Variants in LLGL2 observed in about 807,000 individuals in gnomAD.
LLGL2 encodes the protein LLGL scribble cell polarity complex component 2.
A neutral mutation model predicts 123.2 loss-of-function variants in LLGL2; 81 were observed. The ratio of observed to expected loss-of-function variants is 0.66; its 90% CI spans 0.55 to 0.79. The LOEUF (loss-of-function observed/expected upper bound fraction) is 0.79. Ranked by LOEUF, LLGL2 falls within the 30% of genes least tolerant of loss-of-function variation. LLGL2 has a pLI of 0.00. For missense variants in LLGL2, 1,273 were observed against 1,414.6 expected (o/e 0.90, Z 1.61); for synonymous variants, 577 against 594.1 (o/e 0.97, Z 0.42).
intron 1 of LLGL2, among the ~76,000 whole-genome samples, chr17:75,542,327 C>G (rs533838330): frequency 6.6e-6 from 1 of 152,186 alleles, no homozygotes; most frequent in South Asian, 2.1e-4. Flanking sequence ...ACTGGGCTGC[C>G]CTGTCTCTAC....
Position 75,574,903 on chromosome 17 carries a change from A to T in LLGL2, c.*25A>T, listed in dbSNP as rs1243483982. 1 of 1,613,822 alleles carries T rather than the reference A, an allele frequency of 6.2e-7. No individual in the cohort carries two copies. The highest frequency in any genetic ancestry group is 1.3e-5 in the African/African-American group (1 of 74,918). ...AGTGGCTGAGCGTCCAGGCTGCGCGATGAGCACACACTACTACTGATGGCC... is the reference window on the plus strand; with the variant it reads ...AGTGGCTGAGCGTCCAGGCTGCGCGTTGAGCACACACTACTACTGATGGCC... On this transcript the variant is annotated 3_prime_UTR_variant, in exon 26 of 26. Coordinates refer to ENST00000392550, the MANE Select transcript of LLGL2 (RefSeq NM_001031803.2).
intron 22 of LLGL2, 23 bp from the exon 23 acceptor site, chr17:75,574,190 C>A: frequency 6.6e-7 from 1 of 1,523,058 alleles, no homozygotes; most frequent in Non-Finnish European, 8.8e-7. Context: ...GCGGGGCGCC[C>A]TGACCCGGCC....
intron 1 of LLGL2, among the ~76,000 whole-genome samples, chr17:75,539,072 G>T (rs973995468): frequency 6.6e-6 from 1 of 151,082 alleles, no homozygotes; most frequent in Non-Finnish European, 1.5e-5. Flanking sequence ...CTTTTTGTTT[G>T]TTTTGAGACA....
rs181782857 is a variant in LLGL2, at chr17:75,558,019, A to C, written c.174-136A>C. 121 of 842,178 alleles carry C rather than the reference A, an allele frequency of 1.4e-4. 1 individual carries two copies. Among genetic ancestry groups the C allele is most frequent in the African/African-American group, 1.4e-3 (85 of 60,368 alleles). The allele number at this position is 842,178 out of a possible 1,614,324, so 52.2% of individuals were successfully genotyped here. On this transcript the variant is annotated intron_variant, in intron 3 of 25. Transcript: ENST00000392550. This position sits in a 1 kb window ranked among gnomAD's most constrained non-coding sequence, Gnocchi z 4.0. ...CTCCTCCCCACCCTAGGCTCCATGC[A>C]TGGGTCCTGCTGCCTCGGGGGAGGG...
chr17:75,556,889 C>T (rs925017405), intron 3 of LLGL2, among the ~76,000 whole-genome samples: 3 of 152,070 alleles, frequency 2.0e-5, no homozygotes, highest in South Asian at 2.1e-4. Context: ...GTTATCAGGG[C>T]GTGGTGGCAC....
In LLGL2 at chr17:75,559,841, G is replaced by A. The variant is rs1225868425; in HGVS notation, c.530+431G>A. Among the ~76,000 whole-genome samples the A allele has an allele frequency of 1.3e-5, 2 of 152,200 alleles. No individual in the cohort carries two copies. The highest frequency in any genetic ancestry group is 4.8e-5 in the African/African-American group (2 of 41,446). On this transcript the variant is annotated intron_variant, in intron 6 of 25. Transcript: ENST00000392550. This position sits in a 1 kb window ranked among gnomAD's most constrained non-coding sequence, Gnocchi z 4.6. The stretch of plus-strand genomic sequence containing the variant: ...TGCTCGCAAGCTCCGTGGCTAAAAA[G>A]CCTTGACCGCCACAGGCATGTGGGT...
At position 75,570,232 on chromosome 17, in the gene LLGL2, G is replaced by A; in HGVS notation, c.1851G>A (p.Gln617=). 2 of 1,601,100 alleles carry A rather than the reference G, an allele frequency of 1.2e-6. No homozygotes were observed. Among genetic ancestry groups the A allele is most frequent in the Admixed American group, 1.7e-5 (1 of 58,064 alleles). Residue 617 remains glutamine (Q), a synonymous_variant, in exon 15 of 26, where the codon CAG becomes CAA. Coordinates refer to ENST00000392550, the MANE Select transcript of LLGL2 (RefSeq NM_001031803.2). ...TSHGFGLFDH[Q]QRRQVFVKCT... ...ATGGCTTTGGCCTCTTTGACCACCA[G>A]CAGCGGCGGCAGGTCTTTGTTAAGT...
chr17:75,558,505 T>C lies in LLGL2; in HGVS notation c.256-7T>C. 1 of 1,577,086 alleles carries C rather than the reference T, an allele frequency of 6.3e-7. No individual in the cohort carries two copies. The highest frequency in any genetic ancestry group is 1.2e-5 in the South Asian group (1 of 86,054). On this transcript the variant is annotated splice_polypyrimidine_tract_variant and splice_region_variant and intron_variant, in intron 4 of 25. Coordinates refer to ENST00000392550, the MANE Select transcript of LLGL2 (RefSeq NM_001031803.2). This position sits in a 1 kb window ranked among gnomAD's most constrained non-coding sequence, Gnocchi z 4.0. ...GACCACATGATCCCGTCGTGTGCCC[T>C]CGCCAGTGCCAGCTGGTCACCCTGC... is the stretch of plus-strand genomic sequence containing the variant.
chr17:75,569,217 C>T lies in LLGL2; in HGVS notation c.1477-4C>T, dbSNP rs759089001. 6.2e-7 allele frequency: 1 copy of T among 1,613,302 alleles called. No homozygotes were observed. Among genetic ancestry groups the T allele is most frequent in the South Asian group, 1.1e-5 (1 of 91,062 alleles). Reference sequence around the variant, plus strand: ...CTGCTCACAGGGCCCCTCCCCTTCTCCAGGTGGGCTCCTTTGACCCCTACA... The same window carrying T: ...CTGCTCACAGGGCCCCTCCCCTTCTTCAGGTGGGCTCCTTTGACCCCTACA... On this transcript the variant is annotated splice_polypyrimidine_tract_variant and splice_region_variant and intron_variant, in intron 13 of 25. Transcript: ENST00000392550.
intron 2 of LLGL2, 75 bp downstream of exon 2, chr17:75,543,576 T>C: frequency 8.4e-7 from 1 of 1,196,468 alleles, no homozygotes; most frequent in Non-Finnish European, 1.2e-6. Flanking sequence ...GAGGCACCTC[T>C]TACCTGGATT....
chr17:75,550,496 C>T (rs1210923959), intron 2 of LLGL2, among the ~76,000 whole-genome samples: 3 of 142,098 alleles, frequency 2.1e-5, no homozygotes, highest in East Asian at 4.1e-4. Flanking sequence ...AAGTAAGGGG[C>T]GGGGCAGGCC....
At chr17:75,574,526 G>A (rs2055885166) in intron 24 of LLGL2, 31 bp downstream of exon 24, 2 of 1,573,858 alleles carry the variant, frequency 1.3e-6, no homozygotes, top group African/African-American at 2.7e-5. Context: ...GCTGGGGTGG[G>A]CCCGAGGCTC....
chr17:75,566,597 C>T (rs112997778), intron 10 of LLGL2, among the ~76,000 whole-genome samples: 2,339 of 152,302 alleles, frequency 0.015, 58 homozygotes, highest in African/African-American at 0.05. Flanking sequence ...GGGGCGTATC[C>T]GTGTTCCAGG....
chr17:75,526,167 G>A (rs1186745572), intron 1 of LLGL2, among the ~76,000 whole-genome samples: 1 of 152,056 alleles, frequency 6.6e-6, no homozygotes, highest in Non-Finnish European at 1.5e-5. Context: ...CCGGGCCCAC[G>A]TGCAGGCGCC....
intron 2 of LLGL2, among the ~76,000 whole-genome samples, chr17:75,553,025 T>C (rs2054747385): frequency 6.6e-6 from 1 of 152,232 alleles, no homozygotes; most frequent in African/African-American, 2.4e-5. Flanking sequence ...GCTGACTTCC[T>C]GAGGCCCCAG....
chr17:75,569,110 C>G lies in LLGL2; in HGVS notation c.1455C>G (p.Asp485Glu). ...AGAACTTCAGTGCCCAGGGCGAGGACGAGTGGCCCCCACTCCGCAAGGTGA... is the reference window on the plus strand; with the variant it reads ...AGAACTTCAGTGCCCAGGGCGAGGAGGAGTGGCCCCCACTCCGCAAGGTGA... ...PNENFSAQGE[D>E]EWPPLRKVGS... The change falls in exon 13 of 26, where the codon GAC becomes GAG. Residue 485 changes from aspartate (D) to glutamate (E), a missense_variant. Coordinates refer to ENST00000392550, the MANE Select transcript of LLGL2 (RefSeq NM_001031803.2). 2 of 1,613,384 alleles carry G rather than the reference C, an allele frequency of 1.2e-6. No individual in the cohort carries two copies. Among genetic ancestry groups the G allele is most frequent in the Non-Finnish European group, 1.7e-6 (2 of 1,179,866 alleles).
rs1009650009 is a variant in LLGL2 at position 75,574,492 on chromosome 17, G to A, written c.2993G>A (p.Arg998His). The change falls in exon 24 of 26, where the codon CGC becomes CAC. Residue 998 changes from arginine (R) to histidine (H), a missense_variant. Transcript: ENST00000392550. Reference protein sequence around the residue: ...KEIQSTLEGDRGSGNWRSHRA... With the variant: ...KEIQSTLEGDHGSGNWRSHRA... ...ATCCAGAGCACACTGGAGGGAGACC[G>A]CGGGTGAGGCACCGCCCAGGCCAGC... 1.0e-5 allele frequency: 16 copies of A among 1,558,372 alleles called. No homozygotes were observed. The highest frequency in any genetic ancestry group is 4.3e-4 in the Middle Eastern group (2 of 4,612).
chr17:75,547,824 C>CAA (rs34638571), intron 2 of LLGL2, among the ~76,000 whole-genome samples: 2 of 139,588 alleles, frequency 1.4e-5, no homozygotes, highest in Admixed American at 7.3e-5. Flanking sequence ...GACCCTGTCT[C>CAA]AAAAAAAAAA....
At chr17:75,563,509 G>A (rs761496736) in intron 8 of LLGL2, 46 bp downstream of exon 8, 4 of 1,604,980 alleles carry the variant, frequency 2.5e-6, no homozygotes, top group Non-Finnish European at 3.4e-6. Context: ...AGTGCCTCCT[G>A]GATTCAGGTG....
Sources: allele counts gnomAD v4.1 joint callset (sites outside exome capture counted in the v4.1 genomes callset), GRCh38; gene constraint gnomAD v4.1.1; non-coding constraint Gnocchi (gnomAD v3.1); transcripts MANE v1.5; gene names NCBI Gene and HGNC (gene_info 2026-07-23, HGNC 2026-07-21).